Variants in PLA2G4C observed in about 807,000 individuals in gnomAD.
PLA2G4C encodes cytosolic phospholipase A2 gamma.
In PLA2G4C, 64 loss-of-function variants were observed where a neutral mutation model predicts 73.8. The ratio of observed to expected loss-of-function variants is 0.87; its 90% CI spans 0.71 to 1.07. The LOEUF (loss-of-function observed/expected upper bound fraction) is 1.07, where lower values mean the gene tolerates loss of function less well. Among genes scored for constraint, PLA2G4C ranks in the 50% least tolerant of loss-of-function variants. The pLI is 0.00. For missense variants in PLA2G4C, 622 were observed against 665.4 expected, an observed-to-expected ratio of 0.93 and a Z score of 0.72; for synonymous variants, 254 against 252.1, an observed-to-expected ratio of 1.01 and a Z score of -0.07.
chr19:48,067,477 G>GT (rs200271358), intron 13 of PLA2G4C, among the ~76,000 whole-genome samples: 1,571 of 152,194 alleles, frequency 0.01, 115 homozygotes, highest in Admixed American at 0.098. Context: ...CCATACAAGT[G>GT]TTTTTGAAGA....
At chr19:48,059,144 G>T (rs1444971276) in intron 14 of PLA2G4C, among the ~76,000 whole-genome samples, 1 of 151,930 alleles carries the variant, frequency 6.6e-6, no homozygotes, top group African/African-American at 2.4e-5. Flanking sequence ...GGTGGCGCAT[G>T]CCTGTAATCT....
intron 12 of PLA2G4C, among the ~76,000 whole-genome samples, chr19:48,069,279 G>C (rs367942237): frequency 3.3e-5 from 5 of 152,080 alleles, no homozygotes; most frequent in East Asian, 1.9e-4. Context: ...TTTAATGACT[G>C]TATGATCACC....
At position 48,062,115 on chromosome 19, in the gene PLA2G4C, G is replaced by C. The variant is rs762333736; in HGVS notation, c.1140C>G (p.His380Gln). 1 of 1,606,508 alleles carries C rather than the reference G, an allele frequency of 6.2e-7. No homozygotes were observed. The stretch of plus-strand genomic sequence containing the variant: ...CTAAACCAGCATCCACCAGGTGGAG[G>C]TGCTTCCGGCTGCTCATTATCTTGT... ...IRDKIMSSRK[H>Q]LHLVDAGLAI... The change falls in exon 14 of 17, where the codon CAC becomes CAG. Residue 380 changes from histidine (H) to glutamine (Q), a missense_variant. His to Gln is a conservative substitution (Grantham distance 24). Transcript: ENST00000599921.
At chr19:48,110,452 G>T in intron 1 of PLA2G4C, 35 bp downstream of exon 1, 1 of 1,462,256 alleles carries the variant, frequency 6.8e-7, no homozygotes, top group Non-Finnish European at 9.0e-7. Flanking sequence ...CCGCCCCAGC[G>T]GGATGAAACA....
At position 48,097,283 on chromosome 19, in the gene PLA2G4C, T is replaced by C. The variant is rs566801324; in HGVS notation, c.568+856A>G. On this transcript the variant is annotated intron_variant, in intron 6 of 16. Transcript: ENST00000599921. ...TTTTTTTTTTTTTGAGACGGAGTCT[T>C]GCTCTGTCGCCCAGGCTGGAGTGCT... is the stretch of plus-strand genomic sequence containing the variant. Among the ~76,000 whole-genome samples the C allele has an allele frequency of 1.1e-3, 156 of 138,682 alleles. 2 individuals are homozygous for C. The highest frequency in any genetic ancestry group is 2.4e-3 in the African/African-American group (83 of 34,948). 91.0% of individuals were successfully genotyped at this position (138,682 alleles called of 152,430 possible). A position where few individuals can be genotyped will look rare whatever the true frequency, so the allele number is the denominator to read the frequency against.
intron 11 of PLA2G4C, among the ~76,000 whole-genome samples, chr19:48,075,153 C>CATTT (rs71181640): frequency 0.055 from 7,760 of 139,972 alleles, 261 homozygotes; most frequent in East Asian, 0.11. Flanking sequence ...CAAAGTCTCC[C>CATTT]ATTTATTTAT....
At chr19:48,073,675 T>C (rs2029938939) in intron 12 of PLA2G4C, among the ~76,000 whole-genome samples, 1 of 152,064 alleles carries the variant, frequency 6.6e-6, no homozygotes, top group African/African-American at 2.4e-5. Flanking sequence ...CTGGATGCTG[T>C]ACAGGAAGCG....
In PLA2G4C at chr19:48,090,384, A is replaced by C. The variant is rs753996222; in HGVS notation, c.743T>G (p.Val248Gly). 6.2e-7 allele frequency: 1 copy of C among 1,612,344 alleles called. No homozygotes were observed. The highest frequency in any genetic ancestry group is 8.5e-7 in the Non-Finnish European group (1 of 1,178,388). The change falls in exon 8 of 17, where the codon GTC becomes GGC. Residue 248 changes from valine (V) to glycine (G), a missense_variant. Val to Gly is a moderately radical substitution (Grantham distance 109). Transcript: ENST00000599921. ...CTCACCAAAAATGTATTCCCTAATG[A>C]CTTCAGTGTTACCAAGAGCACTTCC... ...LWGSALGNTEVIREYIFDQLR... is the reference protein window; with the variant it reads ...LWGSALGNTEGIREYIFDQLR...
intron 14 of PLA2G4C, among the ~76,000 whole-genome samples, chr19:48,060,396 G>C (rs907053803): frequency 2.6e-5 from 4 of 152,130 alleles, no homozygotes; most frequent in African/African-American, 9.7e-5. Context: ...CACTGTAGTG[G>C]ACAGCTTAGG....
intron 10 of PLA2G4C, among the ~76,000 whole-genome samples, chr19:48,084,844 A>G (rs988383316): frequency 2.0e-5 from 3 of 152,198 alleles, no homozygotes; most frequent in African/African-American, 7.2e-5. Flanking sequence ...TACCACAGCA[A>G]CATTCCTTCC....
chr19:48,081,463 A>AACT (rs1055045058), intron 10 of PLA2G4C, among the ~76,000 whole-genome samples: 6 of 152,086 alleles, frequency 3.9e-5, no homozygotes, highest in African/African-American at 1.4e-4. Flanking sequence ...GGGGATAAAA[A>AACT]ACTACACATT....
intron 1 of PLA2G4C, 56 bp from the exon 2 acceptor site, chr19:48,106,617 C>T (rs1407227554): frequency 7.0e-7 from 1 of 1,434,248 alleles, no homozygotes; most frequent in African/African-American, 1.4e-5. Context: ...TTAGCAAAGA[C>T]AGTGGGGGAG....
At chr19:48,068,703 C>T (rs1968541344) in intron 12 of PLA2G4C, among the ~76,000 whole-genome samples, 1 of 141,148 alleles carries the variant, frequency 7.1e-6, no homozygotes, top group Non-Finnish European at 1.5e-5. Context: ...TCACTCAGAT[C>T]ATTTAGATAC....
intron 13 of PLA2G4C, among the ~76,000 whole-genome samples, chr19:48,065,445 G>T (rs952761871): frequency 1.3e-5 from 2 of 151,860 alleles, no homozygotes; most frequent in Non-Finnish European, 2.9e-5. Flanking sequence ...GTGAAACCCT[G>T]TCTCTACTAA....
chr19:48,110,514 A>C lies in PLA2G4C; in HGVS notation c.-60T>G. 9.9e-7 allele frequency: 1 copy of C among 1,011,990 alleles called. No homozygotes were observed. The highest frequency in any genetic ancestry group is 7.5e-5 in the East Asian group (1 of 13,372). 62.7% of individuals were successfully genotyped at this position (1,011,990 alleles called of 1,614,324 possible). On this transcript the variant is annotated 5_prime_UTR_variant, in exon 1 of 17. It removes an upstream start codon present in the reference 5' UTR. Coordinates refer to ENST00000599921, the MANE Select transcript of PLA2G4C (RefSeq NM_003706.3). ...GAGCCTGGGTCTGGGGCGTGTGCGCATGCGCGGTGGAGCTTGTGCTCCGGA... is the reference window on the plus strand; with the variant it reads ...GAGCCTGGGTCTGGGGCGTGTGCGCCTGCGCGGTGGAGCTTGTGCTCCGGA...
rs563810901 is a variant in PLA2G4C, at chr19:48,054,318, T to C, written c.1429+560A>G. ...ACCTGATGGTATGTATTTATTTATT[T>C]ATTTGAGAAGGAGTCTTGCTCTGTC... On this transcript the variant is annotated intron_variant, in intron 15 of 16. Transcript: ENST00000599921. Among the ~76,000 whole-genome samples the C allele has an allele frequency of 2.6e-5, 4 of 152,248 alleles. No homozygotes were observed. In the East Asian group the frequency reaches 7.7e-4, roughly 29 times the overall value.
intron 14 of PLA2G4C, among the ~76,000 whole-genome samples, chr19:48,059,523 T>C (rs2080069428): frequency 6.6e-6 from 1 of 152,086 alleles, no homozygotes; most frequent in South Asian, 2.1e-4. Flanking sequence ...ACCCACAGTG[T>C]GGGCGGACAC....
chr19:48,049,508 G>A (rs553057051), intron 16 of PLA2G4C, among the ~76,000 whole-genome samples: 7,864 of 152,254 alleles, frequency 0.052, 417 homozygotes, highest in Admixed American at 0.15. Flanking sequence ...TGCCCCCCGG[G>A]AGGAGGTACA....
At chr19:48,054,547 C>A (rs1357402532) in intron 15 of PLA2G4C, among the ~76,000 whole-genome samples, 1 of 151,442 alleles carries the variant, frequency 6.6e-6, no homozygotes, top group Non-Finnish European at 1.5e-5. Flanking sequence ...AATCTCCTGA[C>A]CTTGTGATCC....
Sources: allele counts gnomAD v4.1 joint callset (sites outside exome capture counted in the v4.1 genomes callset), GRCh38; gene constraint gnomAD v4.1.1; transcripts MANE v1.5; gene names NCBI Gene and HGNC (gene_info 2026-07-23, HGNC 2026-07-21).